The following LRRC37A2 variants were observed in gnomAD, a reference collection of about 807,000 sequenced individuals.
The protein encoded by LRRC37A2 is leucine-rich repeat-containing protein 37A2.
Under a neutral mutation model 68.8 loss-of-function variants are expected in LRRC37A2, and 9 were observed. That is an observed-to-expected ratio of 0.13 (90% CI 0.08 to 0.23). The LOEUF is 0.23. Ranked by LOEUF, LRRC37A2 falls within the 10% of genes least tolerant of loss-of-function variation. The probability of loss-of-function intolerance (pLI) is 1.00; values close to 1 mark genes in which losing one functional copy is unlikely to be tolerated. For synonymous variants in LRRC37A2, 63 were observed against 367.6 expected (o/e 0.17, Z 9.48); for missense variants, 168 against 950.4 (o/e 0.18, Z 10.82).
the LRRC37A2 span, among the ~76,000 whole-genome samples, chr17:46,992,220 T>TAAATAAATAAATAAATA: frequency 1.3e-3 from 49 of 36,408 alleles, no homozygotes; most frequent in African/African-American, 3.8e-3. Flanking sequence ...ATAAATAAAT[T>TAAATAAATAAATAAATA]AGCCAGGTGT....
At chr17:46,761,297 C>T in the LRRC37A2 span, among the ~76,000 whole-genome samples, 2 of 151,214 alleles carry the variant, frequency 1.3e-5, no homozygotes, top group African/African-American at 4.9e-5. Context: ...CCACCATAGG[C>T]GGCTCATGGC....
the LRRC37A2 span, among the ~76,000 whole-genome samples, chr17:46,737,482 G>A: frequency 1.3e-5 from 2 of 152,092 alleles, no homozygotes; most frequent in Admixed American, 6.5e-5. Flanking sequence ...TAGCTCATAC[G>A]AGGTGCTGGG....
At chr17:46,771,269 G>T in the LRRC37A2 span, among the ~76,000 whole-genome samples, 2 of 152,154 alleles carry the variant, frequency 1.3e-5, no homozygotes, top group African/African-American at 2.4e-5. Flanking sequence ...GCGGCAAGGG[G>T]GCCCGACGTC....
chr17:46,941,514 A>G, the LRRC37A2 span: 9 of 609,986 alleles, frequency 1.5e-5, no homozygotes, highest in African/African-American at 2.0e-5. Context: ...TTAAAATTAC[A>G]TATTCCTGGG....
the LRRC37A2 span, among the ~76,000 whole-genome samples, chr17:46,987,189 G>A: frequency 7.0e-4 from 107 of 152,246 alleles, 1 homozygote; most frequent in African/African-American, 2.5e-3. Context: ...GTTGCAGTGA[G>A]CCAATATGGT....
At chr17:46,440,357 A>G in the LRRC37A2 span, among the ~76,000 whole-genome samples, 1 of 64,158 alleles carries the variant, frequency 1.6e-5, no homozygotes, top group African/African-American at 4.6e-5. Context: ...AGCTCACCAC[A>G]TTTCTTCAGT....
At chr17:46,825,432 C>T in the LRRC37A2 span, among the ~76,000 whole-genome samples, 6 of 152,240 alleles carry the variant, frequency 3.9e-5, no homozygotes, top group Admixed American at 2.0e-4. Context: ...TATTTCTCAT[C>T]GCACACATTG....
At chr17:46,987,293 G>A in the LRRC37A2 span, among the ~76,000 whole-genome samples, 1 of 152,008 alleles carries the variant, frequency 6.6e-6, no homozygotes, top group Non-Finnish European at 1.5e-5. Flanking sequence ...GAACAGGCAT[G>A]GGGAGGCGGT....
the LRRC37A2 span, among the ~76,000 whole-genome samples, chr17:46,962,567 A>C: frequency 6.6e-6 from 1 of 152,236 alleles, no homozygotes; most frequent in South Asian, 2.1e-4. Context: ...CCATACATCA[A>C]GTATAGCTAT....
chr17:46,843,680 C>T, the LRRC37A2 span, among the ~76,000 whole-genome samples: 2 of 152,144 alleles, frequency 1.3e-5, no homozygotes, highest in Non-Finnish European at 2.9e-5. Flanking sequence ...TTCTCTGTGC[C>T]CATTTCCTCA....
At chr17:46,811,604 C>T in the LRRC37A2 span, among the ~76,000 whole-genome samples, 9 of 152,170 alleles carry the variant, frequency 5.9e-5, no homozygotes, top group East Asian at 1.7e-3. Flanking sequence ...CAGGCCCTCC[C>T]AGGCAGCAGC....
the LRRC37A2 span, chr17:46,940,251 T>A: frequency 7.0e-7 from 1 of 1,422,890 alleles, no homozygotes; most frequent in South Asian, 1.6e-5. Flanking sequence ...ATTTCACACT[T>A]TCGGTTGGAG....
At chr17:46,779,053 T>TCACACTCACACACACACACA in the LRRC37A2 span, among the ~76,000 whole-genome samples, 1 of 100,612 alleles carries the variant, frequency 9.9e-6, no homozygotes, top group Non-Finnish European at 1.9e-5. Context: ...CCCTACCCCA[T>TCACACTCACACACACACACA]CACACACACA....
the LRRC37A2 span, among the ~76,000 whole-genome samples, chr17:46,888,920 A>G: frequency 6.6e-6 from 1 of 152,176 alleles, no homozygotes; most frequent in Non-Finnish European, 1.5e-5. Flanking sequence ...TTACAGATGA[A>G]GAAACTGAGG....
chr17:46,558,221 G>A (rs1479796168), downstream of LRRC37A2, among the ~76,000 whole-genome samples: 8 of 102,928 alleles, frequency 7.8e-5, no homozygotes, highest in Admixed American at 9.9e-5. Flanking sequence ...CACCATGCCC[G>A]GCTAATTTTT....
chr17:46,857,912 T>G, the LRRC37A2 span, among the ~76,000 whole-genome samples: 27,827 of 145,836 alleles, frequency 0.19, 3,187 homozygotes, highest in East Asian at 0.42. Context: ...TAAGAGTTCT[T>G]TATGTATTTT....
the LRRC37A2 span, chr17:46,773,630 A>AACCCC: frequency 2.0e-5 from 3 of 149,018 alleles, no homozygotes; most frequent in South Asian, 7.6e-5. Context: ...CCCTCCCCCC[A>AACCCC]CCCAGCCCCT....
At chr17:46,818,687 G>C in the LRRC37A2 span, 1 of 1,275,482 alleles carries the variant, frequency 7.8e-7, no homozygotes, top group African/African-American at 1.5e-5. Context: ...ACTTGAGATT[G>C]GAAATGACTT....
At chr17:46,786,941 C>CTT in the LRRC37A2 span, among the ~76,000 whole-genome samples, 14 of 142,646 alleles carry the variant, frequency 9.8e-5, no homozygotes, top group African/African-American at 3.4e-4. Flanking sequence ...TTTCTTTTTT[C>CTT]TTTTTTTTTT....
Sources: allele counts gnomAD v4.1 joint callset (sites outside exome capture counted in the v4.1 genomes callset), GRCh38; gene constraint gnomAD v4.1.1; transcripts MANE v1.5; gene names NCBI Gene and HGNC (gene_info 2026-07-23, HGNC 2026-07-21).